ZNF75D: variants seen among roughly 807,000 people sequenced by gnomAD.
ZNF75D encodes the protein zinc finger protein 75.
Under a neutral mutation model 33.3 loss-of-function variants are expected in ZNF75D, and 33 were observed. That is an observed-to-expected ratio of 0.99 (90% CI 0.75 to 1.32). The LOEUF (loss-of-function observed/expected upper bound fraction) is 1.32, where lower values mean the gene tolerates loss of function less well. Among genes scored for constraint, ZNF75D ranks in the 40% most tolerant of loss-of-function variants. ZNF75D has a pLI of 0.00. For missense variants in ZNF75D, 338 were observed against 367.5 expected (o/e 0.92, Z 0.66); for synonymous variants, 113 against 130.6 (o/e 0.87, Z 0.92).
At chrX:135,315,620 G>T (rs1201399089) in intron 1 of ZNF75D, among the ~76,000 whole-genome samples, 2 of 110,913 alleles carry the variant, frequency 1.8e-5, no homozygotes, top group Non-Finnish European at 3.8e-5. Context: ...CTCCAGTGTT[G>T]GTTGCATATA....
Position 135,291,487 on chromosome X carries a change from G to A in ZNF75D, c.681C>T (p.Ile227=), listed in dbSNP as rs1556421236. 8.3e-7 allele frequency: 1 copy of A among 1,211,778 alleles called. No individual in the cohort carries two copies. The highest frequency in any genetic ancestry group is 1.7e-5 in the African/African-American group (1 of 57,853). ...IKHWKMASKL[I]LPESLSLLTF... Reference sequence around the variant, plus strand: ...AACAGCTCACCAGGGACTCAGGCAGGATGAGTTTAGATGCCATCTTCCAGT... The same window carrying A: ...AACAGCTCACCAGGGACTCAGGCAGAATGAGTTTAGATGCCATCTTCCAGT... The change falls in exon 5 of 7, where the codon ATC becomes ATT. Residue 227 remains isoleucine (I), a synonymous_variant. Coordinates refer to ENST00000370766, the MANE Select transcript of ZNF75D (RefSeq NM_007131.5).
intron 1 of ZNF75D, among the ~76,000 whole-genome samples, chrX:135,333,937 T>C (rs782623889): frequency 4.5e-5 from 5 of 111,893 alleles, no homozygotes; most frequent in Non-Finnish European, 7.5e-5. Context: ...GAAATAATCA[T>C]CTTTTCATCG....
chrX:135,304,257 G>A (rs2084257075), intron 1 of ZNF75D, among the ~76,000 whole-genome samples: 1 of 111,263 alleles, frequency 9.0e-6, no homozygotes, highest in Non-Finnish European at 1.9e-5. Context: ...CCCACTATGG[G>A]GACAGTGTGC....
intron 1 of ZNF75D, among the ~76,000 whole-genome samples, chrX:135,275,351 T>C (rs1449796343): frequency 2.7e-5 from 3 of 112,385 alleles, no homozygotes; most frequent in Non-Finnish European, 5.6e-5. Context: ...CTGTTTTGCA[T>C]GTATAGTGCT....
chrX:135,253,621 T>C, intron 2 of ZNF75D: 1 of 274,072 alleles, frequency 3.6e-6, no homozygotes, highest in East Asian at 5.2e-5. Flanking sequence ...GTTGGATGTG[T>C]GTTTGCTGAC....
intron 1 of ZNF75D, among the ~76,000 whole-genome samples, chrX:135,322,799 C>G (rs782482849): frequency 8.9e-6 from 1 of 111,994 alleles, no homozygotes; most frequent in South Asian, 3.7e-4. Context: ...ATGGGGACTA[C>G]GGCCATAGAA....
intron 1 of ZNF75D, among the ~76,000 whole-genome samples, chrX:135,260,299 T>C (rs993052535): frequency 8.0e-5 from 9 of 112,180 alleles, no homozygotes; most frequent in African/African-American, 2.6e-4. Flanking sequence ...CAGGGTGATG[T>C]TGGCCTCATA....
chrX:135,290,940 G>T, intron 6 of ZNF75D, 69 bp downstream of exon 6: 4 of 1,030,671 alleles, frequency 3.9e-6, no homozygotes, highest in Non-Finnish European at 5.3e-6. Context: ...TCACAGGGGT[G>T]CATTTTCCAT....
intron 4 of ZNF75D, 75 bp from the exon 5 acceptor site, chrX:135,291,638 G>T: frequency 8.7e-7 from 1 of 1,153,599 alleles, no homozygotes; most frequent in Non-Finnish European, 1.2e-6. Context: ...CTAAAATAAA[G>T]AACATCAGGA....
intron 1 of ZNF75D, among the ~76,000 whole-genome samples, chrX:135,300,404 T>C (rs1258828302): frequency 2.8e-5 from 3 of 108,335 alleles, no homozygotes; most frequent in African/African-American, 1.0e-4. Flanking sequence ...AAATGGACCC[T>C]ATGCAAAAGG....
At chrX:135,267,055 TTCTTGAA>T (rs1275374202) in intron 1 of ZNF75D, among the ~76,000 whole-genome samples, 1 of 111,319 alleles carries the variant, frequency 9.0e-6, no homozygotes, top group Non-Finnish European at 1.9e-5. Context: ...ATTGAAAAAT[TTCTTGAA>T]AAAATGATAA....
rs187610923 is a variant in ZNF75D at position 135,263,776 on chromosome X, T to C, written n.828-7999A>G. Among the ~76,000 whole-genome samples the C allele has an allele frequency of 2.6e-3, 298 of 112,793 alleles. 1 individual carries two copies. Among genetic ancestry groups the C allele is most frequent in the African/African-American group, 9.4e-3 (291 of 31,082 alleles). ...CCCCTGACCCCTTGTGCTTCCTGGGTGAGGCGACACCCCGCCCTGCTTCAG... is the reference window on the plus strand; with the variant it reads ...CCCCTGACCCCTTGTGCTTCCTGGGCGAGGCGACACCCCGCCCTGCTTCAG... On this transcript the variant is annotated intron_variant and non_coding_transcript_variant, in intron 1 of 3. Coordinates refer to the ZNF75D transcript ENST00000494295.
Position 135,292,533 on chromosome X carries a change from G to A in ZNF75D, c.412-60C>T, listed in dbSNP as rs781969933. ...TTACTTTTGGTTTTGGGGTGGTAGT[G>A]GAGGGAGGAACAAGAGCAGAGCCCA... is the stretch of plus-strand genomic sequence containing the variant. On this transcript the variant is annotated intron_variant, in intron 3 of 6. Coordinates refer to ENST00000370766, the MANE Select transcript of ZNF75D (RefSeq NM_007131.5). The A allele has an allele frequency of 6.2e-5, 66 of 1,063,786 alleles. No homozygotes were observed. The African/African-American group carries it at 1.2e-3, about 19-fold the overall frequency. 87.7% of individuals were successfully genotyped at this position (1,063,786 alleles called of 1,213,427 possible).
chrX:135,312,848 ATTAT>A (rs1278729712), intron 1 of ZNF75D, among the ~76,000 whole-genome samples: 1 of 110,215 alleles, frequency 9.1e-6, no homozygotes, highest in African/African-American at 3.3e-5. Flanking sequence ...TTTTAATGGG[ATTAT>A]TTGTTTTATT....
At chrX:135,262,282 C>T (rs2083845908) in intron 1 of ZNF75D, among the ~76,000 whole-genome samples, 2 of 111,424 alleles carry the variant, frequency 1.8e-5, no homozygotes, top group Non-Finnish European at 1.9e-5. Context: ...TGGGGTTGCT[C>T]TTCTCCTGGA....
At chrX:135,300,056 A>G (rs2084192913) in intron 1 of ZNF75D, among the ~76,000 whole-genome samples, 1 of 112,220 alleles carries the variant, frequency 8.9e-6, no homozygotes, top group Non-Finnish European at 1.9e-5. Flanking sequence ...TATGAATCTT[A>G]TATCTTTGTT....
chrX:135,302,736 C>T (rs1251831163), intron 1 of ZNF75D, among the ~76,000 whole-genome samples: 1 of 111,361 alleles, frequency 9.0e-6, no homozygotes, highest in Non-Finnish European at 1.9e-5. Flanking sequence ...ATGGGCTAGC[C>T]AGTGAAGGGG....
At chrX:135,296,239 A>G (rs1460578919) in intron 1 of ZNF75D, among the ~76,000 whole-genome samples, 200 bp from the exon 2 acceptor site, 2 of 111,218 alleles carry the variant, frequency 1.8e-5, no homozygotes, top group Non-Finnish European at 3.8e-5. Context: ...AATGCTACCG[A>G]GTCTCTAGCC....
At chrX:135,263,808 C>T (rs1556415950) in intron 1 of ZNF75D, among the ~76,000 whole-genome samples, 1 of 112,865 alleles carries the variant, frequency 8.9e-6, no homozygotes, top group Non-Finnish European at 1.9e-5. Flanking sequence ...TCAGCTCGCC[C>T]TCTGTGGGCT....
Sources: gnomAD v4.1 joint callset for allele counts (sites outside exome capture counted in the v4.1 genomes callset) on GRCh38, gnomAD v4.1.1 for gene constraint, MANE v1.5 for transcripts, NCBI Gene and HGNC (gene_info 2026-07-23, HGNC 2026-07-21) for gene names.